ERICH1: variants seen among roughly 807,000 people sequenced by gnomAD.
ERICH1 encodes the protein glutamate rich 1, also known as glutamate-rich protein 1.
A neutral mutation model predicts 39.6 loss-of-function variants in ERICH1; 56 were observed. That is an observed-to-expected ratio of 1.41 (90% confidence interval 1.14 to 1.77). ERICH1 has a LOEUF of 1.77. ERICH1 is among the 40% of genes most tolerant of loss of function. ERICH1 has a pLI of 0.00. For missense variants in ERICH1, 826 were observed against 575.4 expected (o/e 1.44, Z -4.45); for synonymous variants, 313 against 223.6 (o/e 1.40, Z -3.57).
chr8:630,032 C>A lies in ERICH1; in HGVS notation c.977-14748G>T, dbSNP rs1183579784. ...CACAGACAAAGCTGACTCACACCCT[C>A]CCGTGACCACCCACACAGACAGAGC... is the stretch of plus-strand genomic sequence containing the variant. On this transcript the variant is annotated intron_variant, in intron 3 of 3. Coordinates refer to the ERICH1 transcript ENST00000522706. Among the ~76,000 whole-genome samples the A allele has an allele frequency of 3.2e-4, 44 of 138,938 alleles. 1 individual carries two copies. Among genetic ancestry groups the A allele is most frequent in the Non-Finnish European group, 6.2e-4 (40 of 64,554 alleles). The allele number at this position is 138,938 out of a possible 152,430, so 91.1% of individuals were successfully genotyped here. A position where few individuals can be genotyped will look rare whatever the true frequency, so the allele number is the denominator to read the frequency against.
Position 639,015 on chromosome 8 carries a change from CACA to C in ERICH1, c.977-23734_977-23732del, listed in dbSNP as rs202051415. 8.4e-3 allele frequency among the ~76,000 whole-genome samples: 1,283 copies of C among 152,258 alleles called. 11 individuals carry two copies. The highest frequency in any genetic ancestry group is 0.029 in the African/African-American group (1,210 of 41,542). ...ACCAGTCACCACCGCCCCACCTGCC[CACA>C]ACACTGCAACGGAAGCCGTCTCTCA... On this transcript the variant is annotated intron_variant, in intron 3 of 3. Transcript: ENST00000522706.
intron 3 of ERICH1, among the ~76,000 whole-genome samples, chr8:686,061 G>A (rs1207644502): frequency 6.6e-6 from 1 of 151,770 alleles, no homozygotes; most frequent in Non-Finnish European, 1.5e-5. Context: ...TCGGGAGGCT[G>A]AGGCAGGAGG....
intron 3 of ERICH1, among the ~76,000 whole-genome samples, chr8:620,168 C>G (rs184044349): frequency 6.6e-6 from 1 of 152,066 alleles, no homozygotes; most frequent in African/African-American, 2.4e-5. Flanking sequence ...AAAAATTAGC[C>G]AGGCGTGGTG....
intron 1 of ERICH1, among the ~76,000 whole-genome samples, chr8:721,764 G>A (rs1335031789): frequency 6.6e-6 from 1 of 152,120 alleles, no homozygotes; most frequent in Non-Finnish European, 1.5e-5. Flanking sequence ...ATAAACGAAA[G>A]GTTTTTTCCC....
At chr8:665,707 C>T (rs1802110481) in intron 5 of ERICH1, among the ~76,000 whole-genome samples, 1 of 152,210 alleles carries the variant, frequency 6.6e-6, no homozygotes, top group African/African-American at 2.4e-5. Context: ...AATAAAACGT[C>T]ACAGAAGCGG....
intron 3 of ERICH1, chr8:641,203 T>C (rs569275259): frequency 6.6e-6 from 1 of 152,334 alleles, no homozygotes; most frequent in African/African-American, 2.4e-5. Flanking sequence ...GGTCATTTGC[T>C]GGAGTCTGAC....
chr8:674,820 T>G (rs541475289), intron 3 of ERICH1, among the ~76,000 whole-genome samples: 1 of 152,364 alleles, frequency 6.6e-6, no homozygotes, highest in Non-Finnish European at 1.5e-5. Context: ...GGACTCCAGG[T>G]TGGCAGAAGG....
intron 3 of ERICH1, 38 bp downstream of exon 3, chr8:692,440 G>A: frequency 6.2e-7 from 1 of 1,613,376 alleles, no homozygotes; most frequent in Non-Finnish European, 8.5e-7. Context: ...GAGCTTATCT[G>A]CAAAGATGTC....
intron 3 of ERICH1, among the ~76,000 whole-genome samples, chr8:682,497 C>CACTCCAGAG (rs1481220891): frequency 2.0e-5 from 3 of 152,186 alleles, no homozygotes; most frequent in Admixed American, 2.0e-4. Context: ...TTTTCAGAAC[C>CACTCCAGAG]ACTCCAGAGA....
intron 2 of ERICH1, among the ~76,000 whole-genome samples, chr8:701,405 G>A (rs1052820073): frequency 1.3e-5 from 2 of 152,204 alleles, no homozygotes; most frequent in Non-Finnish European, 1.5e-5. Context: ...CCCGCCGGAC[G>A]GGAGCACGCC....
intron 3 of ERICH1, among the ~76,000 whole-genome samples, chr8:622,010 T>C (rs952065933): frequency 6.6e-6 from 1 of 152,142 alleles, no homozygotes; most frequent in Non-Finnish European, 1.5e-5. Flanking sequence ...AGGCCAGTAG[T>C]TTGAGACCAG....
At chr8:667,461 T>C in intron 5 of ERICH1, 1 of 153,004 alleles carries the variant, frequency 6.5e-6, no homozygotes, top group Non-Finnish European at 1.5e-5. Flanking sequence ...TATCTGCAGC[T>C]CTATGACGCA....
At chr8:619,782 A>G (rs1161862907) in intron 3 of ERICH1, among the ~76,000 whole-genome samples, 5 of 152,224 alleles carry the variant, frequency 3.3e-5, no homozygotes, top group Non-Finnish European at 5.9e-5. Context: ...TATGAAGTCT[A>G]TGGAATTGAA....
At chr8:698,063 G>A (rs1810773217) in intron 2 of ERICH1, among the ~76,000 whole-genome samples, 1 of 152,104 alleles carries the variant, frequency 6.6e-6, no homozygotes, top group Non-Finnish European at 1.5e-5. Context: ...GTGTAGAGAG[G>A]AGGAGGTGGA....
downstream of ERICH1, among the ~76,000 whole-genome samples, chr8:660,226 C>T (rs1801216554): frequency 6.6e-6 from 1 of 152,250 alleles, no homozygotes; most frequent in Non-Finnish European, 1.5e-5. Context: ...CCAGCATGTG[C>T]TCATGTTCAC....
intron 5 of ERICH1, chr8:665,979 G>A (rs377137188): frequency 6.6e-6 from 1 of 151,872 alleles, no homozygotes; most frequent in African/African-American, 2.4e-5. Context: ...AATACAACGT[G>A]TGAAAATGAA....
At chr8:659,982 C>T (rs116317988), downstream of ERICH1, among the ~76,000 whole-genome samples, 1 of 152,230 alleles carries the variant, frequency 6.6e-6, no homozygotes, top group Non-Finnish European at 1.5e-5. Context: ...TACAAGGATC[C>T]TGGCCTCAAG....
chr8:692,988 G>T (rs565699867), intron 2 of ERICH1, among the ~76,000 whole-genome samples: 1 of 152,134 alleles, frequency 6.6e-6, no homozygotes, highest in African/African-American at 2.4e-5. Context: ...GGAGTCCCTG[G>T]GGATTTCACT....
chr8:615,293 T>C (rs1203597158), intron 3 of ERICH1: 17 of 689,792 alleles, frequency 2.5e-5, no homozygotes, highest in Non-Finnish European at 3.9e-5. Context: ...TCCTGGAAAA[T>C]CAGGTTAAGG....
Sources: gnomAD v4.1 joint callset for allele counts (sites outside exome capture counted in the v4.1 genomes callset) on GRCh38, gnomAD v4.1.1 for gene constraint, MANE v1.5 for transcripts, NCBI Gene and HGNC (gene_info 2026-07-23, HGNC 2026-07-21) for gene names.